DAB1: variants seen among roughly 807,000 people sequenced by gnomAD.
DAB1 encodes DAB adaptor protein 1.
A neutral mutation model predicts 64.6 loss-of-function variants in DAB1; 15 were observed. The observed-to-expected ratio is 0.23, with a 90% CI of 0.16 to 0.36. The LOEUF (loss-of-function observed/expected upper bound fraction) is 0.36, where lower values mean the gene tolerates loss of function less well. Ranked by LOEUF, DAB1 falls within the 10% of genes least tolerant of loss-of-function variation. The pLI, the probability that DAB1 is intolerant of heterozygous loss-of-function variation, is 1.00. For synonymous variants in DAB1, 235 were observed against 251.9 expected (o/e 0.93, Z 0.64); for missense variants, 596 against 706.7 (o/e 0.84, Z 1.78).
intron 6 of DAB1, among the ~76,000 whole-genome samples, chr1:57,692,852 T>C (rs1558616536): frequency 6.6e-6 from 1 of 152,042 alleles, no homozygotes; most frequent in East Asian, 1.9e-4. Flanking sequence ...CAGTCAGGGA[T>C]AGTACGAGAT....
At chr1:58,311,831 C>T (rs1662436998) in intron 4 of DAB1, among the ~76,000 whole-genome samples, 1 of 151,338 alleles carries the variant, frequency 6.6e-6, no homozygotes, top group African/African-American at 2.5e-5. Flanking sequence ...TCCTGCAGGG[C>T]CTGAACTGAT....
chr1:57,784,790 A>G (rs1650262842), intron 6 of DAB1, among the ~76,000 whole-genome samples: 1 of 152,194 alleles, frequency 6.6e-6, no homozygotes, highest in South Asian at 2.1e-4. Flanking sequence ...CATAACAGAA[A>G]AGTGCAAGAT....
intron 3 of DAB1, among the ~76,000 whole-genome samples, chr1:58,433,087 C>A (rs1644897253): frequency 6.6e-6 from 1 of 152,204 alleles, no homozygotes; most frequent in Non-Finnish European, 1.5e-5. Context: ...AGAGCTTGAG[C>A]AGCCAAGAGG....
chr1:58,275,037 C>T (rs745853083), intron 4 of DAB1, among the ~76,000 whole-genome samples: 3 of 152,210 alleles, frequency 2.0e-5, no homozygotes. Context: ...TCCCCCTATA[C>T]TCAAATGATT....
intron 6 of DAB1, among the ~76,000 whole-genome samples, chr1:57,740,046 C>CT (rs1320762175): frequency 2.9e-5 from 3 of 103,116 alleles, no homozygotes; most frequent in South Asian, 3.6e-4. Context: ...ACTACTACTA[C>CT]AAAAAAAAAA....
At chr1:57,094,266 T>G (rs1300986711) in intron 4 of DAB1, among the ~76,000 whole-genome samples, 1 of 152,184 alleles carries the variant, frequency 6.6e-6, no homozygotes, top group African/African-American at 2.4e-5. Flanking sequence ...GCCAGGCACA[T>G]AGCAGGGCAG....
At chr1:58,197,468 C>A (rs1657746392) in intron 4 of DAB1, among the ~76,000 whole-genome samples, 1 of 150,998 alleles carries the variant, frequency 6.6e-6, no homozygotes, top group Non-Finnish European at 1.5e-5. Context: ...GGTGCCATCT[C>A]AGCTCACTGC....
chr1:58,435,521 C>A (rs1483981191), intron 3 of DAB1, among the ~76,000 whole-genome samples: 2 of 152,146 alleles, frequency 1.3e-5, no homozygotes, highest in Non-Finnish European at 2.9e-5. Context: ...CAGACACCCC[C>A]AAGGATGATT....
At chr1:57,263,027 C>A (rs1670302592) in intron 2 of DAB1, among the ~76,000 whole-genome samples, 1 of 152,206 alleles carries the variant, frequency 6.6e-6, no homozygotes, top group Non-Finnish European at 1.5e-5. Context: ...ATGTCTCCAA[C>A]TAGCATCTGT....
intron 3 of DAB1, chr1:58,469,106 A>C (rs1463394442): frequency 5.8e-6 from 1 of 172,520 alleles, no homozygotes; most frequent in Non-Finnish European, 1.2e-5. Flanking sequence ...GCTGGCCAGC[A>C]GTCACAGCAA....
intron 2 of DAB1, among the ~76,000 whole-genome samples, chr1:57,150,344 T>C (rs535640108): frequency 1.3e-5 from 2 of 152,236 alleles, no homozygotes; most frequent in Non-Finnish European, 2.9e-5. Context: ...GACACTGTTG[T>C]TACTAGCATC....
chr1:58,193,266 C>A (rs1657487976), intron 4 of DAB1, among the ~76,000 whole-genome samples: 1 of 152,124 alleles, frequency 6.6e-6, no homozygotes, highest in South Asian at 2.1e-4. Context: ...CTGTTCTCAC[C>A]ATGTGATCTC....
chr1:57,580,195 G>A (rs140425998), intron 7 of DAB1, among the ~76,000 whole-genome samples: 336 of 152,192 alleles, frequency 2.2e-3, no homozygotes, highest in East Asian at 9.9e-3. Flanking sequence ...AGACTTCATC[G>A]GCTTCTCAAG....
intron 6 of DAB1, among the ~76,000 whole-genome samples, chr1:57,716,473 A>C (rs539553558): frequency 1.3e-5 from 2 of 152,320 alleles, no homozygotes; most frequent in African/African-American, 2.4e-5. Context: ...AAGGTGCGAA[A>C]ATACACATTG....
intron 9 of DAB1, among the ~76,000 whole-genome samples, chr1:57,043,432 T>C (rs1361939460): frequency 6.6e-6 from 1 of 152,214 alleles, no homozygotes; most frequent in Non-Finnish European, 1.5e-5. Flanking sequence ...CCTGAACATA[T>C]CCCAAAGCTG....
intron 3 of DAB1, among the ~76,000 whole-genome samples, chr1:58,405,809 C>A (rs2100567569): frequency 6.6e-6 from 1 of 152,318 alleles, no homozygotes; most frequent in South Asian, 2.1e-4. Flanking sequence ...AGGAAACAGA[C>A]ACTTGGAGGA....
intron 2 of DAB1, among the ~76,000 whole-genome samples, chr1:57,209,061 C>T (rs1665811205): frequency 6.6e-6 from 1 of 152,204 alleles, no homozygotes; most frequent in African/African-American, 2.4e-5. Context: ...GTCAGATTCA[C>T]CTATGTCCAT....
intron 6 of DAB1, among the ~76,000 whole-genome samples, chr1:57,684,358 T>C (rs1017127161): frequency 3.3e-5 from 5 of 151,470 alleles, no homozygotes; most frequent in Admixed American, 1.3e-4. Flanking sequence ...AAAAAAAAAA[T>C]CTTAAAGGCA....
At chr1:57,096,289 A>G (rs1654159125) in intron 4 of DAB1, among the ~76,000 whole-genome samples, 1 of 152,152 alleles carries the variant, frequency 6.6e-6, no homozygotes, top group Non-Finnish European at 1.5e-5. Flanking sequence ...TCTTTGCTTA[A>G]AAGCTTACTG....
Sources: gnomAD v4.1 joint callset for allele counts (sites outside exome capture counted in the v4.1 genomes callset) on GRCh38, gnomAD v4.1.1 for gene constraint, MANE v1.5 for transcripts, NCBI Gene and HGNC (gene_info 2026-07-23, HGNC 2026-07-21) for gene names.